Variants in BAIAP2 observed in about 807,000 individuals in gnomAD.
The protein encoded by BAIAP2 is BAR/IMD domain containing adaptor protein 2, also known as BAR/IMD domain-containing adapter protein 2.
A neutral mutation model predicts 63.0 loss-of-function variants in BAIAP2; 18 were observed. The observed-to-expected ratio is 0.29, with a 90% confidence interval of 0.20 to 0.42. The LOEUF (loss-of-function observed/expected upper bound fraction) is 0.42, where lower values mean the gene tolerates loss of function less well. Ranked by LOEUF, BAIAP2 falls within the 10% of genes least tolerant of loss-of-function variation. BAIAP2 has a pLI of 1.00. For missense variants in BAIAP2, 610 were observed against 734.3 expected (o/e 0.83, Z 1.96); for synonymous variants, 386 against 307.6 (o/e 1.25, Z -2.67).
chr17:81,057,665 C>A, intron 2 of BAIAP2: 2 of 1,349,040 alleles, frequency 1.5e-6, no homozygotes, highest in South Asian at 2.1e-5. Context: ...TGTGTTCTTA[C>A]GAGTCAAGGG....
At chr17:81,048,692 C>T (rs538797695) in intron 1 of BAIAP2, among the ~76,000 whole-genome samples, 22 of 152,330 alleles carry the variant, frequency 1.4e-4, no homozygotes, top group South Asian at 4.1e-4. Flanking sequence ...CTGATGGACA[C>T]GGCCCTCCCA....
rs940925293 is a variant in BAIAP2, at chr17:81,115,775, C to T, written c.1541C>T (p.Pro514Leu). Residue 514 changes from proline to leucine, a missense_variant, in exon 14 of 14, where the codon CCC becomes CTC. By Grantham distance (98) the Pro-to-Leu change is moderately conservative. Around this residue, in one of 5 missense-constraint regions of BAIAP2, gnomAD observed 114 missense variants for 98.2 expected, o/e 1.16. Transcript: ENST00000428708. ...DYGARSMSRN[P>L]FAHVQLKPTV... ...ACCACGTTTTTCTCTTTCAGGAATC[C>T]CTTTGCCCACGTCCAGCTGAAGCCG... 6.2e-7 allele frequency: 1 copy of T among 1,613,556 alleles called. No individual in the cohort carries two copies. Among genetic ancestry groups the T allele is most frequent in the South Asian group, 1.1e-5 (1 of 91,090 alleles).
rs550253198 is a variant in BAIAP2, at chr17:81,067,480, G to A, written c.217+9513G>A. ...CCTGCCCGCCTGCCAACAGCTTTGC[G>A]GTGCAGGCTGAGCTCTGCAGGGAGA... On this transcript the variant is annotated intron_variant, in intron 3 of 13. Coordinates refer to ENST00000428708, the MANE Select transcript of BAIAP2 (RefSeq NM_001144888.2). Among the ~76,000 whole-genome samples the A allele has an allele frequency of 3.5e-3, 526 of 152,340 alleles. 4 individuals carry two copies. Among genetic ancestry groups the A allele is most frequent in the Non-Finnish European group, 3.7e-3 (249 of 68,020 alleles).
intron 1 of BAIAP2, among the ~76,000 whole-genome samples, chr17:81,042,994 A>G (rs1185937544): frequency 1.3e-5 from 2 of 152,108 alleles, no homozygotes; most frequent in Non-Finnish European, 2.9e-5. Context: ...AGCAATTCCA[A>G]GAAGCTGGGA....
At chr17:81,038,978 GTA>G (rs1169432678) in intron 1 of BAIAP2, among the ~76,000 whole-genome samples, 1 of 152,244 alleles carries the variant, frequency 6.6e-6, no homozygotes, top group East Asian at 1.9e-4. Flanking sequence ...GTGTACATGT[GTA>G]TGTGTGTCCG....
chr17:81,109,725 CGTCGGGCACTGGCGGGAGCAAG>C (rs1568194146), intron 13 of BAIAP2: 10 of 985,324 alleles, frequency 1.0e-5, no homozygotes, highest in African/African-American at 1.7e-5. Context: ...CCTCACCTCC[CGTCGGGCACTGGCGGGAGCAAG>C]GTCGGGGGCA....
At chr17:81,095,892 T>C (rs2145672499) in intron 6 of BAIAP2, among the ~76,000 whole-genome samples, 1 of 152,280 alleles carries the variant, frequency 6.6e-6, no homozygotes, top group South Asian at 2.1e-4. Flanking sequence ...CGTACCCTGC[T>C]AATGAGGCCA....
chr17:81,086,568 C>T lies in BAIAP2; in HGVS notation c.477C>T (p.Asp159=), dbSNP rs1263567825. 6.2e-7 allele frequency: 1 copy of T among 1,613,324 alleles called. No individual in the cohort carries two copies. The highest frequency in any genetic ancestry group is 1.1e-5 in the South Asian group (1 of 91,068). ...GCAAGAATCCTCAGAAGTACTCGGA[C>T]AAGGAGCTGCAGGTAGGCCCGCCAC... ...QGSKNPQKYS[D]KELQYIDAIS... The change falls in exon 6 of 14, where the codon GAC becomes GAT. Residue 159 remains aspartate (D), a synonymous_variant. Transcript: ENST00000428708.
chr17:81,083,556 G>A (rs556823692), intron 3 of BAIAP2: 2 of 152,354 alleles, frequency 1.3e-5, no homozygotes, highest in East Asian at 3.9e-4. Context: ...ACCAACTCCA[G>A]GGTTAGCGGG....
intron 13 of BAIAP2, among the ~76,000 whole-genome samples, chr17:81,112,451 A>G (rs888475098): frequency 2.6e-5 from 4 of 152,182 alleles, no homozygotes; most frequent in Non-Finnish European, 5.9e-5. Context: ...AGACTCCCCA[A>G]TCCCATTGCC....
intron 3 of BAIAP2, among the ~76,000 whole-genome samples, chr17:81,080,440 G>T (rs1409450430): frequency 1.3e-5 from 2 of 152,278 alleles, no homozygotes; most frequent in Non-Finnish European, 2.9e-5. Flanking sequence ...GTGTGCGCCA[G>T]CCGCACATTG....
intron 3 of BAIAP2, among the ~76,000 whole-genome samples, chr17:81,075,235 G>C (rs1396312405): frequency 6.6e-6 from 1 of 152,224 alleles, no homozygotes; most frequent in African/African-American, 2.4e-5. Flanking sequence ...CGCCTGTGCT[G>C]GGTCTGGGGC....
intron 1 of BAIAP2, among the ~76,000 whole-genome samples, chr17:81,047,187 G>T (rs1274698530): frequency 2.0e-5 from 3 of 152,178 alleles, no homozygotes; most frequent in Admixed American, 6.5e-5. Flanking sequence ...CATGTCAGGT[G>T]CAACACCAGG....
intron 13 of BAIAP2, chr17:81,109,082 C>A (rs981523715): frequency 4.7e-6 from 7 of 1,497,304 alleles, no homozygotes; most frequent in Admixed American, 2.2e-5. Context: ...TCAGCTCTCG[C>A]TGGTTTGTTC....
At chr17:81,102,020 G>A (rs1341720278) in intron 7 of BAIAP2, among the ~76,000 whole-genome samples, 1 of 152,228 alleles carries the variant, frequency 6.6e-6, no homozygotes, top group Non-Finnish European at 1.5e-5. Context: ...AGGGATGGAG[G>A]GCGGGGAAGC....
chr17:81,086,005 G>T lies in BAIAP2; in HGVS notation c.351+280G>T, dbSNP rs6565534. 3.9e-5 allele frequency among the ~76,000 whole-genome samples: 6 copies of T among 152,290 alleles called. No individual in the cohort carries two copies. The South Asian group carries it at 6.2e-4, about 16-fold the overall frequency. ...GAAGCTGGTGCCTGACTCTGCTGCC[G>T]GGGAGTGCAGGAGCTCCTTCTCTGG... On this transcript the variant is annotated intron_variant, in intron 5 of 13. Transcript: ENST00000428708.
In BAIAP2 at chr17:81,095,604, CAT is replaced by C. The variant is rs1395626638; in HGVS notation, c.490-4323_490-4322del. ...TCAGGCTCTGCCATAGCCAGATGCT[CAT>C]GTGGGGGCTCCAAGGCAGGAGGTGT... is the stretch of plus-strand genomic sequence containing the variant. On this transcript the variant is annotated intron_variant, in intron 6 of 13. Coordinates refer to ENST00000428708, the MANE Select transcript of BAIAP2 (RefSeq NM_001144888.2). Among the ~76,000 whole-genome samples the C allele has an allele frequency of 2.0e-5, 3 of 152,182 alleles. No individual in the cohort carries two copies. The South Asian group carries it at 6.2e-4, about 31-fold the overall frequency.
intron 1 of BAIAP2, among the ~76,000 whole-genome samples, chr17:81,038,021 G>C (rs1312838291): frequency 6.6e-6 from 1 of 152,226 alleles, no homozygotes; most frequent in African/African-American, 2.4e-5. Context: ...GGTGTTTGCC[G>C]AGAACATAAT....
In BAIAP2 at chr17:81,057,703, A is replaced by C. The variant is rs867532373; in HGVS notation, c.131-178A>C. ...CTCTCATGATTGGGGTGAAACAAGA[A>C]TATCAACAAGAGATGGGTTCTGTCC... On this transcript the variant is annotated intron_variant, in intron 2 of 13. Coordinates refer to ENST00000428708, the MANE Select transcript of BAIAP2 (RefSeq NM_001144888.2). 3.6e-6 allele frequency: 5 copies of C among 1,384,514 alleles called. No individual in the cohort carries two copies. The Middle Eastern group carries it at 7.4e-4, about 204-fold the overall frequency. The allele number at this position is 1,384,514 out of a possible 1,614,324, so 85.8% of individuals were successfully genotyped here. A position where few individuals can be genotyped will look rare whatever the true frequency, so the allele number is the denominator to read the frequency against.
Sources: gnomAD v4.1 joint callset for allele counts (sites outside exome capture counted in the v4.1 genomes callset) on GRCh38, gnomAD v4.1.1 for gene constraint, gnomAD v4.1.1 regional missense constraint, MANE v1.5 for transcripts, NCBI Gene and HGNC (gene_info 2026-07-23, HGNC 2026-07-21) for gene names.